GAS7: variants seen among roughly 807,000 people sequenced by gnomAD.
The protein encoded by GAS7 is growth arrest specific 7.
Under a neutral mutation model 71.1 loss-of-function variants are expected in GAS7, and 28 were observed. That is an observed-to-expected ratio of 0.39 (90% CI 0.29 to 0.54). The LOEUF is 0.54. Among genes scored for constraint, GAS7 ranks in the 20% least tolerant of loss-of-function variants. GAS7 has a pLI of 0.62. For synonymous variants in GAS7, 258 were observed against 245.8 expected (o/e 1.05, Z -0.46); for missense variants, 436 against 627.8 (o/e 0.69, Z 3.27).
At chr17:10,078,705 C>T (rs771843131) in intron 1 of GAS7, among the ~76,000 whole-genome samples, 2 of 152,106 alleles carry the variant, frequency 1.3e-5, no homozygotes, top group Non-Finnish European at 2.9e-5. Flanking sequence ...GTTCAATAGA[C>T]AGTGTGTAAA....
At chr17:10,076,962 T>C (rs77764781) in intron 1 of GAS7, among the ~76,000 whole-genome samples, 4,483 of 152,290 alleles carry the variant, frequency 0.029, 84 homozygotes, top group Middle Eastern at 0.044. Context: ...CGCCAGAAAA[T>C]TGACTGCCCT....
At chr17:9,943,598 T>C (rs1221996026) in intron 6 of GAS7, among the ~76,000 whole-genome samples, 6 of 152,222 alleles carry the variant, frequency 3.9e-5, no homozygotes, top group Non-Finnish European at 7.3e-5. Flanking sequence ...CGGCGAATCT[T>C]GGCATCCTGA....
rs188500630 is a variant in GAS7 at position 10,188,141 on chromosome 17, G to A, written c.183+10067C>T. On this transcript the variant is annotated intron_variant, in intron 1 of 13. Transcript: ENST00000432992. ...ACCTGTAATCCCAGCTACTCGGGAGGCGGAGGCAGGGGAATTACTTGCACC... is the reference window on the plus strand; with the variant it reads ...ACCTGTAATCCCAGCTACTCGGGAGACGGAGGCAGGGGAATTACTTGCACC... Among the ~76,000 whole-genome samples the A allele has an allele frequency of 3.9e-5, 6 of 152,186 alleles. No homozygotes were observed. The East Asian group carries it at 1.2e-3, about 29-fold the overall frequency.
chr17:9,963,479 A>AAG (rs146976317), intron 4 of GAS7, among the ~76,000 whole-genome samples: 9 of 150,074 alleles, frequency 6.0e-5, no homozygotes, highest in Admixed American at 2.0e-4. Context: ...TTGGTGGGGG[A>AAG]AGAGAGAGAG....
At chr17:10,029,034 C>T (rs752453296) in intron 1 of GAS7, among the ~76,000 whole-genome samples, 3 of 152,184 alleles carry the variant, frequency 2.0e-5, no homozygotes, top group African/African-American at 4.8e-5. Flanking sequence ...GGACGTCCTA[C>T]GCTGTTCAAG....
chr17:10,001,494 C>A (rs1438573648), intron 2 of GAS7, among the ~76,000 whole-genome samples: 1 of 152,038 alleles, frequency 6.6e-6, no homozygotes, highest in Non-Finnish European at 1.5e-5. Flanking sequence ...CAGCAGGAAT[C>A]GGGGAAAAAA....
In GAS7 at chr17:10,008,903, T is replaced by A. The variant is rs936797960; in HGVS notation, c.304+10874A>T. On this transcript the variant is annotated intron_variant, in intron 2 of 13. Coordinates refer to ENST00000432992, the MANE Select transcript of GAS7 (RefSeq NM_201433.2). ...ACACAGATGGACAGAAAAAAATAGA[T>A]GTATGTTTTTGGGTACAGAACCTTC... 6.6e-5 allele frequency among the ~76,000 whole-genome samples: 10 copies of A among 152,186 alleles called. No homozygotes were observed. The South Asian group carries it at 2.1e-3, about 31-fold the overall frequency.
intron 1 of GAS7, among the ~76,000 whole-genome samples, chr17:10,181,088 A>G (rs376007033): frequency 0.016 from 2,372 of 147,948 alleles, 21 homozygotes; most frequent in African/African-American, 0.032. Context: ...CGGTGGGGGC[A>G]CGGTGGCTCA....
In GAS7 at chr17:10,128,999, T is replaced by C. The variant is rs192186320; in HGVS notation, c.183+69209A>G. 1.4e-3 allele frequency among the ~76,000 whole-genome samples: 217 copies of C among 152,312 alleles called. 1 individual carries two copies. The highest frequency in any genetic ancestry group is 2.4e-3 in the Non-Finnish European group (161 of 68,022). ...TCCTGATTGATTTGGTATCTCCCTG[T>C]GGGTCAGCAGACATATATGAGAAGA... On this transcript the variant is annotated intron_variant, in intron 1 of 13. Coordinates refer to ENST00000432992, the MANE Select transcript of GAS7 (RefSeq NM_201433.2).
intron 1 of GAS7, among the ~76,000 whole-genome samples, chr17:10,052,935 A>C (rs1001658317): frequency 1.3e-5 from 2 of 152,202 alleles, no homozygotes; most frequent in African/African-American, 2.4e-5. Flanking sequence ...GCTCCTTGAG[A>C]ACAACAATAG....
intron 6 of GAS7, among the ~76,000 whole-genome samples, chr17:9,943,549 C>T (rs189960309): frequency 1.3e-5 from 2 of 152,180 alleles, no homozygotes; most frequent in African/African-American, 4.8e-5. Flanking sequence ...TAACGGCCTA[C>T]GACTTCCAAC....
At chr17:10,040,637 C>G (rs1435866887) in intron 1 of GAS7, among the ~76,000 whole-genome samples, 1 of 151,158 alleles carries the variant, frequency 6.6e-6, no homozygotes, top group Admixed American at 6.6e-5. Context: ...AATGCTCAAG[C>G]CTACACTTGC....
Position 9,926,848 on chromosome 17 carries a change from GCACC to G in GAS7, c.886-83_886-80del. 3.4e-6 allele frequency: 5 copies of G among 1,480,984 alleles called. No individual in the cohort carries two copies. The South Asian group carries it at 5.7e-5, about 17-fold the overall frequency. 91.7% of individuals were successfully genotyped at this position (1,480,984 alleles called of 1,614,324 possible). A position where few individuals can be genotyped will look rare whatever the true frequency, so the allele number is the denominator to read the frequency against. ...AGTGCAGGGAGGAGGGATGGGAGGGGCACCCCCACTTCCCCAGGCAAGTGAGGAT... is the reference window on the plus strand; with the variant it reads ...AGTGCAGGGAGGAGGGATGGGAGGGGCCCACTTCCCCAGGCAAGTGAGGAT... On this transcript the variant is annotated intron_variant, in intron 9 of 13. Transcript: ENST00000432992. This position sits in a 1 kb window ranked among gnomAD's most constrained non-coding sequence, Gnocchi z 5.0.
chr17:10,091,327 T>C (rs1229741039), intron 1 of GAS7, among the ~76,000 whole-genome samples: 2 of 152,170 alleles, frequency 1.3e-5, no homozygotes, highest in Non-Finnish European at 2.9e-5. Flanking sequence ...GTAACGGTTG[T>C]ACAACATTGT....
intron 1 of GAS7, among the ~76,000 whole-genome samples, chr17:10,044,413 G>A (rs1224304505): frequency 6.6e-6 from 1 of 152,106 alleles, no homozygotes; most frequent in Non-Finnish European, 1.5e-5. Context: ...ATGCAGTTAT[G>A]ATTAATACTA....
chr17:10,058,881 TC>T (rs1466820724), intron 1 of GAS7, among the ~76,000 whole-genome samples: 1 of 152,164 alleles, frequency 6.6e-6, no homozygotes, highest in East Asian at 1.9e-4. Flanking sequence ...TCCACGCAAA[TC>T]CAAGTTTTGT....
At chr17:10,050,145 C>T (rs369892526) in intron 1 of GAS7, among the ~76,000 whole-genome samples, 4 of 152,078 alleles carry the variant, frequency 2.6e-5, no homozygotes, top group African/African-American at 9.7e-5. Context: ...ATGAATATCA[C>T]CTTACTAAAA....
rs117318005 is a variant in GAS7 at position 10,016,505 on chromosome 17, G to A, written c.304+3272C>T. 1.2e-4 allele frequency among the ~76,000 whole-genome samples: 18 copies of A among 150,094 alleles called. No homozygotes were observed. In the East Asian group the frequency reaches 3.1e-3, roughly 26 times the overall value. The stretch of plus-strand genomic sequence containing the variant: ...CATAAAAGAGGAGAGAGCCGAGCAC[G>A]GTGGCTCATGCCTATAATCTCAGCA... On this transcript the variant is annotated intron_variant, in intron 2 of 13. Transcript: ENST00000432992.
intron 1 of GAS7, among the ~76,000 whole-genome samples, chr17:10,189,969 A>G (rs980784808): frequency 1.3e-5 from 2 of 152,112 alleles, no homozygotes; most frequent in African/African-American, 4.8e-5. Flanking sequence ...AAAACAAATC[A>G]AAAGAAGAAT....
Sources: gnomAD v4.1 joint callset for allele counts (sites outside exome capture counted in the v4.1 genomes callset) on GRCh38, gnomAD v4.1.1 for gene constraint, Gnocchi (gnomAD v3.1) non-coding constraint, MANE v1.5 for transcripts, NCBI Gene and HGNC (gene_info 2026-07-23, HGNC 2026-07-21) for gene names.